RBM26: variants seen among roughly 807,000 people sequenced by gnomAD.
The protein encoded by RBM26 is RNA-binding protein 26.
A neutral mutation model predicts 123.6 loss-of-function variants in RBM26; 30 were observed. That is an observed-to-expected ratio of 0.24 (90% CI 0.18 to 0.33). RBM26 has a LOEUF of 0.33. RBM26 is among the 10% of genes least tolerant of loss of function. RBM26 has a pLI of 1.00. For missense variants in RBM26, 947 were observed against 1,203.6 expected, an observed-to-expected ratio of 0.79 and a Z score of 3.15; for synonymous variants, 400 against 404.4, an observed-to-expected ratio of 0.99 and a Z score of 0.13.
chr13:79,332,991 T>G, intron 20 of RBM26, among the ~76,000 whole-genome samples: 1 of 152,182 alleles, frequency 6.6e-6, no homozygotes, highest in East Asian at 1.9e-4. Context: ...ACTATCATTA[T>G]TTTATAATAC....
downstream of RBM26, chr13:79,314,227 AT>A (rs1038148008): frequency 3.3e-5 from 5 of 151,712 alleles, no homozygotes; most frequent in African/African-American, 1.2e-4. Context: ...ACACAACACT[AT>A]TTCCTCTTGC....
chr13:79,336,056 T>C (rs1466637527), intron 19 of RBM26, among the ~76,000 whole-genome samples: 1 of 152,116 alleles, frequency 6.6e-6, no homozygotes, highest in Non-Finnish European at 1.5e-5. Flanking sequence ...TCTGTCAATA[T>C]CTCCTTATGT....
chr13:79,367,872 A>G (rs2075474814), intron 6 of RBM26, among the ~76,000 whole-genome samples: 1 of 152,188 alleles, frequency 6.6e-6, no homozygotes, highest in Non-Finnish European at 1.5e-5. Context: ...ACCTAACGAG[A>G]TGAGACTTAA....
intron 19 of RBM26, 101 bp from the exon 20 acceptor site, chr13:79,334,531 C>T (rs1012003717): frequency 1.7e-5 from 10 of 576,396 alleles, no homozygotes; most frequent in Non-Finnish European, 2.4e-5. Flanking sequence ...AAATATAACC[C>T]AGAATACATA....
intron 9 of RBM26, among the ~76,000 whole-genome samples, chr13:79,364,854 A>T (rs1208111199): frequency 6.6e-6 from 1 of 152,178 alleles, no homozygotes; most frequent in East Asian, 1.9e-4. Flanking sequence ...TACGCAAACT[A>T]ATATCAAATT....
rs765739368 is a variant in RBM26, at chr13:79,329,031, A to G, written c.2820+5313T>C. ...ATTCTCATACATCTTTGGTGGGCAA[A>G]TAAGTATAACCTTTATGGTGGGCAA... is the stretch of plus-strand genomic sequence containing the variant. On this transcript the variant is annotated intron_variant, in intron 20 of 21. Coordinates refer to ENST00000438737, the MANE Select transcript of RBM26 (RefSeq NM_001366735.2). 3.1e-4 allele frequency among the ~76,000 whole-genome samples: 47 copies of G among 151,590 alleles called. 1 individual carries two copies. The highest frequency in any genetic ancestry group is 2.0e-3 in the Admixed American group (31 of 15,210).
chr13:79,405,466 G>A (rs945369227), intron 1 of RBM26, among the ~76,000 whole-genome samples: 1 of 151,670 alleles, frequency 6.6e-6, no homozygotes, highest in Non-Finnish European at 1.5e-5. Context: ...GGTTGGAGAC[G>A]GTCTATATAT....
intron 9 of RBM26, among the ~76,000 whole-genome samples, chr13:79,361,688 A>C (rs1360878373): frequency 6.6e-6 from 1 of 151,192 alleles, no homozygotes; most frequent in Non-Finnish European, 1.5e-5. Flanking sequence ...AGGAATCCCC[A>C]CTCCTTGCTT....
intron 15 of RBM26, 40 bp downstream of exon 15, chr13:79,344,629 T>C (rs1364730427): frequency 6.4e-7 from 1 of 1,572,816 alleles, no homozygotes; most frequent in African/African-American, 1.4e-5. Flanking sequence ...AAAGCTTTCC[T>C]ATATGCAAAA....
rs1566377877 is a variant in RBM26, at chr13:79,344,730, T to C, written c.2123A>G (p.Gln708Arg). 2 of 1,613,384 alleles carry C rather than the reference T, an allele frequency of 1.2e-6. No individual in the cohort carries two copies. Among genetic ancestry groups the C allele is most frequent in the Non-Finnish European group, 1.7e-6 (2 of 1,179,490 alleles). Residue 708 changes from glutamine to arginine, a missense_variant, in exon 15 of 22, where the codon CAG becomes CGG. Coordinates refer to ENST00000438737, the MANE Select transcript of RBM26 (RefSeq NM_001366735.2). ...AGAGGTGGAAACAAGTAAGGTTTTC[T>C]GTGCAGCCTTCAAAGCAGCTGGATT... ...VYNPAALKAA[Q>R]KTLLVSTSAV...
intron 15 of RBM26, 83 bp from the exon 16 acceptor site, chr13:79,344,405 G>T: frequency 9.2e-7 from 1 of 1,086,202 alleles, no homozygotes; most frequent in Non-Finnish European, 1.4e-6. Context: ...AGTTGTAACT[G>T]CAGAAGTCTG....
At chr13:79,387,562 TAAA>T (rs5805031) in intron 1 of RBM26, among the ~76,000 whole-genome samples, 3 of 146,102 alleles carry the variant, frequency 2.1e-5, no homozygotes, top group African/African-American at 2.5e-5. Flanking sequence ...TTTACTCATT[TAAA>T]AAAAAAAAAA....
chr13:79,340,043 A>G (rs2071100571), intron 18 of RBM26, among the ~76,000 whole-genome samples: 1 of 152,156 alleles, frequency 6.6e-6, no homozygotes, highest in African/African-American at 2.4e-5. Flanking sequence ...TATTTAAATT[A>G]TGGGCCAGAA....
chr13:79,405,669 C>T (rs2079474297), intron 1 of RBM26, 35 bp downstream of exon 1: 5 of 1,483,196 alleles, frequency 3.4e-6, no homozygotes, highest in African/African-American at 1.4e-5. Flanking sequence ...TCTCCCACTG[C>T]CATCCCTGCA....
intron 14 of RBM26, among the ~76,000 whole-genome samples, chr13:79,352,476 AAAT>A (rs1342669384): frequency 2.6e-5 from 4 of 151,780 alleles, no homozygotes; most frequent in Non-Finnish European, 4.4e-5. Context: ...CAAAAAAAAA[AAAT>A]AACATCTACA....
intron 3 of RBM26, among the ~76,000 whole-genome samples, chr13:79,373,837 G>A (rs2076395499): frequency 6.8e-6 from 1 of 147,770 alleles, no homozygotes; most frequent in East Asian, 1.9e-4. Context: ...TTCCTACAAG[G>A]TGCCTCCATT....
chr13:79,355,292 T>C lies in RBM26; in HGVS notation c.1782A>G (p.Leu594=), dbSNP rs2073843723. The C allele has an allele frequency of 2.5e-6, 4 of 1,614,016 alleles. No homozygotes were observed. The highest frequency in any genetic ancestry group is 3.4e-6 in the Non-Finnish European group (4 of 1,179,866). ...KKAISSTEAV[L]NNRFIKVYWH... is the part of the protein sequence containing the mutation. Reference sequence around the variant, plus strand: ...AATAAACCTTAATAAAGCGATTGTTTAATACTGCTTCCGTACTTGATATTG... The same window carrying C: ...AATAAACCTTAATAAAGCGATTGTTCAATACTGCTTCCGTACTTGATATTG... The change falls in exon 12 of 22, where the codon TTA becomes TTG. Residue 594 remains leucine, a synonymous_variant. Transcript: ENST00000438737.
chr13:79,372,234 G>C (rs1195164614), intron 3 of RBM26, among the ~76,000 whole-genome samples: 1 of 152,158 alleles, frequency 6.6e-6, no homozygotes, highest in South Asian at 2.1e-4. Context: ...AGCTGAGATC[G>C]CGCCAGTGCA....
intron 13 of RBM26, 50 bp downstream of exon 13, chr13:79,354,389 T>A: frequency 1.4e-6 from 2 of 1,385,772 alleles, no homozygotes; most frequent in Non-Finnish European, 1.9e-6. Context: ...CAAGGGAAAC[T>A]AAATTACTGA....
Sources: allele counts gnomAD v4.1 joint callset (sites outside exome capture counted in the v4.1 genomes callset), GRCh38; gene constraint gnomAD v4.1.1; transcripts MANE v1.5; gene names NCBI Gene and HGNC (gene_info 2026-07-23, HGNC 2026-07-21).